The following CTNNA2 variants were observed in gnomAD, a reference collection of about 807,000 sequenced individuals.
The protein encoded by CTNNA2 is catenin alpha-2.
CTNNA2 carries 42 observed loss-of-function variants against 101.0 expected under a neutral mutation model. The observed-to-expected ratio is 0.42, with a 90% CI of 0.32 to 0.54. The LOEUF (loss-of-function observed/expected upper bound fraction) is 0.54, where lower values mean the gene tolerates loss of function less well. Among genes scored for constraint, CTNNA2 ranks in the 20% least tolerant of loss-of-function variants. CTNNA2 has a pLI of 0.14. For missense variants in CTNNA2, 871 were observed against 1,223.1 expected (o/e 0.71, Z 4.29); for synonymous variants, 450 against 456.4 (o/e 0.99, Z 0.18).
intron 3 of CTNNA2, among the ~76,000 whole-genome samples, chr2:79,769,015 T>C (rs1041693396): frequency 2.0e-4 from 30 of 152,156 alleles, no homozygotes; most frequent in African/African-American, 6.5e-4. Flanking sequence ...CCACCACGCC[T>C]GGCTAATTTT....
At chr2:80,036,005 G>C (rs1558748157) in intron 7 of CTNNA2, among the ~76,000 whole-genome samples, 1 of 152,198 alleles carries the variant, frequency 6.6e-6, no homozygotes, top group African/African-American at 2.4e-5. Context: ...CAAGTCTTTT[G>C]ATTCAGTCCC....
chr2:80,303,320 T>C lies in CTNNA2; in HGVS notation c.1057-89891T>C, dbSNP rs1342255818. On this transcript the variant is annotated intron_variant, in intron 7 of 18. Transcript: ENST00000402739. This position sits in a 1 kb window ranked among gnomAD's most constrained non-coding sequence, Gnocchi z 7.7. ...AAACTGGATGGCGTTGGCCCGCATA[T>C]GCAGCGTGGTGAGCTTCCGCAGCCC... The C allele has an allele frequency of 1.1e-5, 17 of 1,613,736 alleles. No homozygotes were observed. Among genetic ancestry groups the C allele is most frequent in the Non-Finnish European group, 1.4e-5 (17 of 1,180,040 alleles).
At chr2:79,760,181 T>A (rs1162113180) in intron 3 of CTNNA2, among the ~76,000 whole-genome samples, 1 of 151,840 alleles carries the variant, frequency 6.6e-6, no homozygotes, top group African/African-American at 2.4e-5. Context: ...TGTAAATCAG[T>A]GACTGATAGA....
intron 7 of CTNNA2, among the ~76,000 whole-genome samples, chr2:80,300,649 A>T (rs1378379838): frequency 6.6e-6 from 1 of 152,188 alleles, no homozygotes; most frequent in Non-Finnish European, 1.5e-5. Flanking sequence ...AAATAAAAAC[A>T]GAAAGATGCA....
At chr2:80,594,254 C>A (rs865792796) in intron 15 of CTNNA2, among the ~76,000 whole-genome samples, 2 of 152,046 alleles carry the variant, frequency 1.3e-5, no homozygotes, top group Non-Finnish European at 2.9e-5. Context: ...TTATGTTGAA[C>A]AACTTTCCTA....
chr2:79,316,076 T>C (rs966519146), intron 3 of CTNNA2, among the ~76,000 whole-genome samples: 1 of 152,156 alleles, frequency 6.6e-6, no homozygotes, highest in East Asian at 1.9e-4. Flanking sequence ...TAAAAGAGTT[T>C]CATAATTTTA....
intron 3 of CTNNA2, among the ~76,000 whole-genome samples, chr2:79,313,941 G>A (rs1051306690): frequency 2.0e-5 from 3 of 152,108 alleles, no homozygotes; most frequent in East Asian, 1.9e-4. Context: ...CAAATGCAGC[G>A]CTTGTTCAGA....
At chr2:80,172,835 G>C (rs1705150586) in intron 7 of CTNNA2, among the ~76,000 whole-genome samples, 1 of 152,128 alleles carries the variant, frequency 6.6e-6, no homozygotes, top group African/African-American at 2.4e-5. Context: ...TGCACTCCCT[G>C]TGTGCAGGTG....
chr2:79,191,849 C>T (rs762574088), intron 1 of CTNNA2, among the ~76,000 whole-genome samples: 2 of 152,092 alleles, frequency 1.3e-5, no homozygotes, highest in Non-Finnish European at 2.9e-5. Flanking sequence ...GGGGTACAGA[C>T]TTAACATCAA....
chr2:80,247,489 C>T (rs1051589927), intron 7 of CTNNA2, among the ~76,000 whole-genome samples: 1 of 152,166 alleles, frequency 6.6e-6, no homozygotes, highest in East Asian at 1.9e-4. Context: ...GACTGCTGAC[C>T]ACCACTTACA....
chr2:80,024,065 C>G (rs1427207058), intron 7 of CTNNA2, among the ~76,000 whole-genome samples: 1 of 135,410 alleles, frequency 7.4e-6, no homozygotes, highest in African/African-American at 2.8e-5. Flanking sequence ...TCAGCCTGGG[C>G]GACAGAGCGA....
At chr2:79,857,030 C>T (rs1298460831) in intron 3 of CTNNA2, among the ~76,000 whole-genome samples, 1 of 152,224 alleles carries the variant, frequency 6.6e-6, no homozygotes, top group African/African-American at 2.4e-5. Flanking sequence ...ACATGGTGTT[C>T]TAGGCATTAC....
At chr2:79,573,838 A>G (rs1355909291) in intron 1 of CTNNA2, 1 of 152,198 alleles carries the variant, frequency 6.6e-6, no homozygotes, top group East Asian at 1.9e-4. Flanking sequence ...AGGTCCTGGC[A>G]TTTATTACAG....
chr2:79,734,813 T>C (rs1666623500), intron 2 of CTNNA2, among the ~76,000 whole-genome samples: 1 of 149,852 alleles, frequency 6.7e-6, no homozygotes, highest in Admixed American at 6.6e-5. Context: ...AATCATAAAG[T>C]AAAATCAAAC....
intron 7 of CTNNA2, among the ~76,000 whole-genome samples, chr2:80,201,135 T>C (rs140227658): frequency 1.8e-4 from 27 of 152,120 alleles, no homozygotes; most frequent in African/African-American, 6.5e-4. Context: ...GCTATGTTAA[T>C]TGTTATCATA....
intron 2 of CTNNA2, among the ~76,000 whole-genome samples, chr2:79,200,072 C>T (rs193052170): frequency 2.6e-5 from 4 of 152,186 alleles, no homozygotes; most frequent in Admixed American, 2.6e-4. Context: ...AGTCTTTTCT[C>T]ATGGCAGTAC....
rs183593504 is a variant in CTNNA2 at position 79,961,364 on chromosome 2, G to T, written c.1056+51567G>T. Among the ~76,000 whole-genome samples the T allele has an allele frequency of 1.0e-3, 155 of 152,256 alleles. 3 individuals carry two copies. Among genetic ancestry groups the T allele is most frequent in the African/African-American group, 3.6e-3 (149 of 41,548 alleles). On this transcript the variant is annotated intron_variant, in intron 7 of 18. Coordinates refer to ENST00000402739, the MANE Select transcript of CTNNA2 (RefSeq NM_001282597.3). ...CAGCACTCTATCACTCTATCACCCA[G>T]TGCTTGAGGCATGATTCCCTTATTA...
chr2:80,162,870 G>C, intron 7 of CTNNA2: 3 of 1,595,472 alleles, frequency 1.9e-6, no homozygotes, highest in Non-Finnish European at 2.6e-6. Context: ...CTGTGCTGAT[G>C]AAGTCATGTT....
chr2:80,129,641 C>G (rs1702309292), intron 7 of CTNNA2, among the ~76,000 whole-genome samples: 1 of 152,152 alleles, frequency 6.6e-6, no homozygotes, highest in African/African-American at 2.4e-5. Context: ...ATGTCAGATG[C>G]CAAGCTAACT....
Sources: allele counts gnomAD v4.1 joint callset (sites outside exome capture counted in the v4.1 genomes callset), GRCh38; gene constraint gnomAD v4.1.1; non-coding constraint Gnocchi (gnomAD v3.1); transcripts MANE v1.5; gene names NCBI Gene and HGNC (gene_info 2026-07-23, HGNC 2026-07-21).